The following MSR1 variants were observed in gnomAD, a reference collection of about 807,000 sequenced individuals.
The protein encoded by MSR1 is macrophage scavenger receptor types I and II.
MSR1 carries 53 observed loss-of-function variants against 47.2 expected under a neutral mutation model. The ratio of observed to expected loss-of-function variants is 1.12; its 90% CI spans 0.90 to 1.41. The LOEUF (loss-of-function observed/expected upper bound fraction) is 1.41, where lower values mean the gene tolerates loss of function less well. Among genes scored for constraint, MSR1 ranks in the 40% most tolerant of loss-of-function variants. The probability of loss-of-function intolerance (pLI) is 0.00; values close to 1 mark genes in which losing one functional copy is unlikely to be tolerated. For missense variants in MSR1, 786 were observed against 546.9 expected (o/e 1.44, Z -4.36); for synonymous variants, 239 against 185.6 (o/e 1.29, Z -2.34).
intron 8 of MSR1, among the ~76,000 whole-genome samples, chr8:16,124,520 C>T (rs927135505): frequency 6.6e-6 from 1 of 152,124 alleles, no homozygotes; most frequent in Admixed American, 6.6e-5. Context: ...TGTCTTTTTA[C>T]TTTATATATA....
At chr8:16,169,265 T>G (rs34990006) in intron 3 of MSR1, among the ~76,000 whole-genome samples, 1,729 of 152,346 alleles carry the variant, frequency 0.011, 27 homozygotes, top group African/African-American at 0.04. Flanking sequence ...GAAGTAAGCA[T>G]GTTGAATATG....
At chr8:16,150,140 G>GTGTA (rs1402495981) in intron 7 of MSR1, 91 bp downstream of exon 7, 34 of 178,350 alleles carry the variant, frequency 1.9e-4, no homozygotes, top group African/African-American at 8.6e-4. Flanking sequence ...GTGTGTGTGT[G>GTGTA]TATATATATA....
intron 7 of MSR1, among the ~76,000 whole-genome samples, chr8:16,148,262 A>G (rs970561839): frequency 2.6e-5 from 4 of 152,072 alleles, no homozygotes; most frequent in African/African-American, 9.7e-5. Context: ...GCTCCTTAAG[A>G]AAAGCAGCTG....
chr8:16,143,833 A>T (rs1800627016), intron 7 of MSR1, among the ~76,000 whole-genome samples: 1 of 152,070 alleles, frequency 6.6e-6, no homozygotes, highest in Non-Finnish European at 1.5e-5. Flanking sequence ...CAAGGCCCTA[A>T]ATGCCCCATT....
In MSR1 at chr8:16,110,017, T is replaced by C; in HGVS notation, c.*68A>G. ...TCTTAAATATTGATTAAATGGATTT[T>C]ACAGGAACAAGGTAATAAAATCATT... is the stretch of plus-strand genomic sequence containing the variant. On this transcript the variant is annotated 3_prime_UTR_variant, in exon 10 of 10. Coordinates refer to ENST00000262101, the MANE Select transcript of MSR1 (RefSeq NM_138715.3). The C allele has an allele frequency of 6.3e-7, 1 of 1,585,018 alleles. No homozygotes were observed. The highest frequency in any genetic ancestry group is 8.6e-7 in the Non-Finnish European group (1 of 1,156,354).
At chr8:16,172,722 A>T (rs1357590241) in intron 3 of MSR1, among the ~76,000 whole-genome samples, 1 of 152,086 alleles carries the variant, frequency 6.6e-6, no homozygotes, top group East Asian at 1.9e-4. Flanking sequence ...TTGTTCTGAC[A>T]CAGTATTATG....
intron 1 of MSR1, among the ~76,000 whole-genome samples, chr8:16,190,836 C>A (rs888290237): frequency 2.0e-5 from 3 of 151,806 alleles, no homozygotes; most frequent in Admixed American, 1.3e-4. Context: ...ATTCTCCTGC[C>A]TCAGACTCCG....
intron 8 of MSR1, among the ~76,000 whole-genome samples, chr8:16,134,557 C>T (rs1222476214): frequency 1.3e-5 from 2 of 152,108 alleles, no homozygotes; most frequent in East Asian, 3.9e-4. Flanking sequence ...TCTCCTCAGG[C>T]ATCCCTATTC....
At chr8:16,137,648 T>C (rs1223020614) in intron 8 of MSR1, among the ~76,000 whole-genome samples, 1 of 152,122 alleles carries the variant, frequency 6.6e-6, no homozygotes, top group Non-Finnish European at 1.5e-5. Context: ...GAAATTGGGA[T>C]AATAGTCCTT....
At chr8:16,132,203 C>A (rs1463180078) in intron 8 of MSR1, among the ~76,000 whole-genome samples, 1 of 151,990 alleles carries the variant, frequency 6.6e-6, no homozygotes, top group Non-Finnish European at 1.5e-5. Flanking sequence ...AAGTCCTTCA[C>A]TCCCCTTTTT....
chr8:16,119,734 G>T (rs1301026277), intron 9 of MSR1, among the ~76,000 whole-genome samples: 1 of 150,942 alleles, frequency 6.6e-6, no homozygotes, highest in African/African-American at 2.4e-5. Flanking sequence ...TCAGAGACAG[G>T]TCTTGCTCTG....
At chr8:16,181,532 C>T (rs946005052) in intron 1 of MSR1, among the ~76,000 whole-genome samples, 6 of 151,962 alleles carry the variant, frequency 3.9e-5, no homozygotes, top group Admixed American at 1.3e-4. Flanking sequence ...CATAATTCTC[C>T]GCAAACTAAC....
intron 1 of MSR1, among the ~76,000 whole-genome samples, chr8:16,183,162 A>G (rs1244161782): frequency 1.3e-5 from 2 of 152,116 alleles, no homozygotes; most frequent in Admixed American, 6.6e-5. Flanking sequence ...CAGGCTACCT[A>G]CTGGCCCCTT....
chr8:16,161,017 G>A (rs1016096584), intron 5 of MSR1, among the ~76,000 whole-genome samples: 1 of 149,998 alleles, frequency 6.7e-6, no homozygotes, highest in African/African-American at 2.5e-5. Context: ...AATTTGTGTG[G>A]GTTTTCTTAA....
Position 16,143,502 on chromosome 8 carries a change from TCA to T in MSR1, c.1033+54_1033+55del. On this transcript the variant is annotated intron_variant, in intron 8 of 9. Coordinates refer to ENST00000262101, the MANE Select transcript of MSR1 (RefSeq NM_138715.3). ...TTGCCTCAAGCCCAGATCTCTAGTA[TCA>T]CAGACTTACTTATTACAAGAATTCA... The T allele has an allele frequency of 1.3e-6, 2 of 1,496,120 alleles. 1 individual carries two copies. Among genetic ancestry groups the T allele is most frequent in the Admixed American group, 3.4e-5 (2 of 59,546 alleles). 92.7% of individuals were successfully genotyped at this position (1,496,120 alleles called of 1,614,324 possible). A position where few individuals can be genotyped will look rare whatever the true frequency, so the allele number is the denominator to read the frequency against.
intron 8 of MSR1, among the ~76,000 whole-genome samples, chr8:16,137,524 T>C (rs1162997452): frequency 3.9e-5 from 6 of 152,106 alleles, no homozygotes; most frequent in Non-Finnish European, 8.8e-5. Context: ...TAAAAATACA[T>C]AATACTAGTG....
At position 16,108,683 on chromosome 8, in the gene MSR1, A is replaced by G. The variant is rs1215119218; in HGVS notation, c.*1402T>C. The G allele has an allele frequency of 6.6e-6, 1 of 152,172 alleles. No homozygotes were observed. The highest frequency in any genetic ancestry group is 1.5e-5 in the Non-Finnish European group (1 of 68,008). 9.4% of individuals were successfully genotyped at this position (152,172 alleles called of 1,614,324 possible). On this transcript the variant is annotated 3_prime_UTR_variant, in exon 10 of 10. Coordinates refer to ENST00000262101, the MANE Select transcript of MSR1 (RefSeq NM_138715.3). ...AGAAAATCAGCAATGTTAAACAAGT[A>G]GAAGAATGTTACATGATAAAAATGC...
At chr8:16,185,295 G>C (rs1585200233) in intron 1 of MSR1, among the ~76,000 whole-genome samples, 1 of 152,074 alleles carries the variant, frequency 6.6e-6, no homozygotes, top group Non-Finnish European at 1.5e-5. Flanking sequence ...ACTACTGCCT[G>C]TGTCCTGATC....
chr8:16,149,605 A>G (rs1047007251), intron 7 of MSR1, among the ~76,000 whole-genome samples: 1 of 152,106 alleles, frequency 6.6e-6, no homozygotes, highest in Non-Finnish European at 1.5e-5. Flanking sequence ...TTGCTGTTCA[A>G]AGTTTGCAAT....
Sources: gnomAD v4.1 joint callset for allele counts (sites outside exome capture counted in the v4.1 genomes callset) on GRCh38, gnomAD v4.1.1 for gene constraint, MANE v1.5 for transcripts, NCBI Gene and HGNC (gene_info 2026-07-23, HGNC 2026-07-21) for gene names.